AOPEP: variants seen among roughly 807,000 people sequenced by gnomAD.
The protein encoded by AOPEP is aminopeptidase O.
In AOPEP, 77 loss-of-function variants were observed where a neutral mutation model predicts 98.1. That is an observed-to-expected ratio of 0.78 (90% confidence interval 0.65 to 0.95). The LOEUF (loss-of-function observed/expected upper bound fraction) is 0.95. AOPEP is among the 40% of genes least tolerant of loss of function. The probability of loss-of-function intolerance (pLI) is 0.00; values close to 1 mark genes in which losing one functional copy is unlikely to be tolerated. For missense variants in AOPEP, 1,024 were observed against 1,024.7 expected (o/e 1.00, Z 0.01); for synonymous variants, 346 against 365.3 (o/e 0.95, Z 0.60).
At chr9:95,116,594 TTTCTGG>T in the AOPEP span, among the ~76,000 whole-genome samples, 1 of 152,238 alleles carries the variant, frequency 6.6e-6, no homozygotes, top group East Asian at 1.9e-4. Context: ...ATAAGGCCCC[TTTCTGG>T]CTGGCGCAGT....
the AOPEP span, among the ~76,000 whole-genome samples, chr9:95,135,800 G>A: frequency 2.0e-5 from 3 of 152,192 alleles, no homozygotes; most frequent in African/African-American, 7.2e-5. Context: ...GATAAAAAAC[G>A]GGATGGAAAA....
At position 95,070,111 on chromosome 9, in the gene AOPEP, T is replaced by C. The variant is rs139783505; in HGVS notation, c.2232+9301T>C. Among the ~76,000 whole-genome samples, 616 of 152,342 alleles carry C rather than the reference T, an allele frequency of 4.0e-3. 2 individuals are homozygous for C. Among genetic ancestry groups the C allele is most frequent in the African/African-American group, 0.014 (578 of 41,582 alleles). On this transcript the variant is annotated intron_variant, in intron 14 of 16. Coordinates refer to ENST00000375315, the MANE Select transcript of AOPEP (RefSeq NM_001193329.3). ...GTGAAAGGTTCTTTTCCTCTTTCCA[T>C]GGGACTGAGCAGGTAGACGGCCTCC...
intron 13 of AOPEP, chr9:95,006,037 GAAGA>G (rs761150481): frequency 4.2e-6 from 2 of 474,034 alleles, no homozygotes; most frequent in African/African-American, 2.0e-5. Context: ...AGAGAGAGAA[GAAGA>G]AAGAAGTGGA....
chr9:95,073,474 C>A (rs373807595), intron 14 of AOPEP, among the ~76,000 whole-genome samples: 13 of 151,948 alleles, frequency 8.6e-5, no homozygotes, highest in African/African-American at 2.7e-4. Flanking sequence ...AAGAGGCCGG[C>A]GCGGTGGCTC....
chr9:95,122,500 T>C, the AOPEP span, among the ~76,000 whole-genome samples: 2 of 152,176 alleles, frequency 1.3e-5, no homozygotes, highest in African/African-American at 2.4e-5. Context: ...CTTTCCTTTG[T>C]TGAGCTGAAG....
At chr9:94,923,517 G>C (rs932955742) in intron 5 of AOPEP, among the ~76,000 whole-genome samples, 1 of 152,128 alleles carries the variant, frequency 6.6e-6, no homozygotes, top group African/African-American at 2.4e-5. Flanking sequence ...AACATTTTCT[G>C]CTCCATTCTT....
chr9:94,733,966 T>C (rs1831154332), intron 1 of AOPEP, among the ~76,000 whole-genome samples: 2 of 152,248 alleles, frequency 1.3e-5, no homozygotes, highest in Admixed American at 6.5e-5. Flanking sequence ...GTGTAAAGTC[T>C]GGATCTTCCT....
chr9:95,015,006 C>T (rs542611255), intron 13 of AOPEP, among the ~76,000 whole-genome samples: 8 of 152,306 alleles, frequency 5.3e-5, no homozygotes, highest in Non-Finnish European at 1.2e-4. Context: ...TATCAAAGAT[C>T]ACTTACAAAG....
At chr9:94,758,890 T>C (rs573837198) in intron 1 of AOPEP, among the ~76,000 whole-genome samples, 1 of 151,784 alleles carries the variant, frequency 6.6e-6, no homozygotes, top group Non-Finnish European at 1.5e-5. Context: ...ACATTTTAAT[T>C]TCTCTCCTTC....
At chr9:94,770,524 T>A (rs1840630777) in intron 2 of AOPEP, among the ~76,000 whole-genome samples, 1 of 152,162 alleles carries the variant, frequency 6.6e-6, no homozygotes, top group Admixed American at 6.5e-5. Flanking sequence ...CTCGCGTGGC[T>A]GTTGCAGGCT....
intron 2 of AOPEP, among the ~76,000 whole-genome samples, chr9:94,765,439 A>AAATAATAATAATAATAATAATAAT (rs370305424): frequency 6.5e-5 from 8 of 123,820 alleles, no homozygotes; most frequent in East Asian, 5.0e-4. Flanking sequence ...TTCTCTACAA[A>AAATAATAATAATAATAATAATAAT]AATAATAATA....
chr9:94,847,720 G>T (rs1221058452), intron 5 of AOPEP, among the ~76,000 whole-genome samples: 1 of 152,092 alleles, frequency 6.6e-6, no homozygotes, highest in African/African-American at 2.4e-5. Flanking sequence ...GAAAATGTGA[G>T]GTATTTTGGA....
At chr9:95,079,031 C>A (rs1277044673) in intron 14 of AOPEP, among the ~76,000 whole-genome samples, 1 of 152,232 alleles carries the variant, frequency 6.6e-6, no homozygotes, top group Non-Finnish European at 1.5e-5. Flanking sequence ...ATTTTGCCGT[C>A]CCAGCCTCCT....
the AOPEP span, among the ~76,000 whole-genome samples, chr9:95,141,985 GTTTTT>G: frequency 2.4e-5 from 2 of 83,138 alleles, no homozygotes; most frequent in Non-Finnish European, 4.2e-5. Context: ...AGTTTGTGGG[GTTTTT>G]TTTTTTTTTT....
intron 13 of AOPEP, among the ~76,000 whole-genome samples, chr9:95,045,857 C>A (rs1365286294): frequency 1.3e-5 from 2 of 152,290 alleles, no homozygotes; most frequent in East Asian, 3.9e-4. Context: ...AGATTTCAGG[C>A]AGCATCACGC....
intron 1 of AOPEP, among the ~76,000 whole-genome samples, chr9:94,747,114 A>G (rs1331953366): frequency 6.6e-6 from 1 of 151,266 alleles, no homozygotes; most frequent in Admixed American, 6.6e-5. Context: ...ATATGCAGTC[A>G]CTCTTACGTG....
intron 1 of AOPEP, among the ~76,000 whole-genome samples, chr9:94,741,993 A>G (rs756124421): frequency 6.6e-6 from 1 of 152,210 alleles, no homozygotes; most frequent in Non-Finnish European, 1.5e-5. Context: ...AACCAGTTAC[A>G]GGGGTTCAAG....
chr9:94,883,742 A>G (rs751056348), intron 5 of AOPEP, among the ~76,000 whole-genome samples: 8 of 152,244 alleles, frequency 5.3e-5, no homozygotes, highest in Admixed American at 2.6e-4. Flanking sequence ...CTCATCTAAC[A>G]TAAGTTTATT....
At chr9:95,081,886 A>C (rs1408128427) in intron 15 of AOPEP, among the ~76,000 whole-genome samples, 1 of 152,152 alleles carries the variant, frequency 6.6e-6, no homozygotes, top group Non-Finnish European at 1.5e-5. Context: ...GGCATAACTA[A>C]GCATGGCACA....
Sources: allele counts gnomAD v4.1 joint callset (sites outside exome capture counted in the v4.1 genomes callset), GRCh38; gene constraint gnomAD v4.1.1; transcripts MANE v1.5; gene names NCBI Gene and HGNC (gene_info 2026-07-23, HGNC 2026-07-21).